Variants in BRINP3 observed in about 807,000 individuals in gnomAD.
The protein encoded by BRINP3 is BMP/retinoic acid-inducible neural-specific protein 3.
Under a neutral mutation model 71.0 loss-of-function variants are expected in BRINP3, and 19 were observed. The observed-to-expected ratio is 0.27, with a 90% confidence interval of 0.19 to 0.39. The LOEUF (loss-of-function observed/expected upper bound fraction) is 0.39, where lower values mean the gene tolerates loss of function less well. Ranked by LOEUF, BRINP3 falls within the 10% of genes least tolerant of loss-of-function variation. BRINP3 has a pLI of 1.00. For missense variants in BRINP3, 959 were observed against 940.8 expected (o/e 1.02, Z -0.25); for synonymous variants, 380 against 337.7 (o/e 1.13, Z -1.37).
At chr1:190,232,252 C>A (rs1658062646) in intron 5 of BRINP3, among the ~76,000 whole-genome samples, 1 of 151,920 alleles carries the variant, frequency 6.6e-6, no homozygotes, top group Non-Finnish European at 1.5e-5. Context: ...TTTTCAATTG[C>A]CACATACAGT....
chr1:190,272,909 G>A (rs1662232877), intron 3 of BRINP3, among the ~76,000 whole-genome samples: 1 of 151,420 alleles, frequency 6.6e-6, no homozygotes, highest in Non-Finnish European at 1.5e-5. Context: ...ACTTACAACA[G>A]AGCACATGAC....
intron 6 of BRINP3, among the ~76,000 whole-genome samples, chr1:190,196,364 G>C (rs1385612681): frequency 6.6e-6 from 1 of 152,072 alleles, no homozygotes; most frequent in Non-Finnish European, 1.5e-5. Flanking sequence ...CCAGATAATG[G>C]TTCTGCTAAT....
intron 2 of BRINP3, among the ~76,000 whole-genome samples, chr1:190,339,921 C>A (rs1667543946): frequency 6.6e-6 from 1 of 151,894 alleles, no homozygotes; most frequent in Non-Finnish European, 1.5e-5. Context: ...TGTCAAAAGG[C>A]ATATATTTTC....
At chr1:190,426,002 T>C (rs1313886286) in intron 2 of BRINP3, among the ~76,000 whole-genome samples, 1 of 151,770 alleles carries the variant, frequency 6.6e-6, no homozygotes, top group East Asian at 1.9e-4. Context: ...ATGTCAGTAT[T>C]GCAAAAAAAG....
chr1:190,354,772 T>G (rs1284893936), intron 2 of BRINP3, among the ~76,000 whole-genome samples: 5 of 132,304 alleles, frequency 3.8e-5, no homozygotes, highest in South Asian at 2.4e-4. Flanking sequence ...CTTCTAAGTG[T>G]TTTTTTTTTT....
chr1:190,214,891 C>T (rs12407537), intron 6 of BRINP3, among the ~76,000 whole-genome samples: 20,909 of 151,650 alleles, frequency 0.14, 1,881 homozygotes, highest in South Asian at 0.26. Context: ...CATTTATTGT[C>T]TAATGTAATT....
At chr1:190,274,859 T>C (rs1432814887) in intron 3 of BRINP3, among the ~76,000 whole-genome samples, 1 of 151,542 alleles carries the variant, frequency 6.6e-6, no homozygotes, top group Non-Finnish European at 1.5e-5. Context: ...CTTAGAGAAA[T>C]AGGCTTTTGC....
chr1:190,215,072 T>C (rs1351595155), intron 6 of BRINP3, among the ~76,000 whole-genome samples: 1 of 141,800 alleles, frequency 7.1e-6, no homozygotes, highest in Admixed American at 7.3e-5. Flanking sequence ...GAAAAGATAA[T>C]AGCAATCCAT....
chr1:190,219,025 C>T (rs994229741), intron 6 of BRINP3, among the ~76,000 whole-genome samples: 1 of 152,064 alleles, frequency 6.6e-6, no homozygotes, highest in Non-Finnish European at 1.5e-5. Flanking sequence ...ACTGCCAGTG[C>T]TCTCATTATT....
intron 4 of BRINP3, among the ~76,000 whole-genome samples, chr1:190,256,311 C>A (rs1221744464): frequency 6.6e-6 from 1 of 152,074 alleles, no homozygotes; most frequent in African/African-American, 2.4e-5. Context: ...AGGATTGCAA[C>A]CCCTGCTTTT....
At chr1:190,476,568 AG>A in intron 1 of BRINP3, among the ~76,000 whole-genome samples, 1 of 152,332 alleles carries the variant, frequency 6.6e-6, no homozygotes, top group South Asian at 2.1e-4. Flanking sequence ...TAAAAGCAAA[AG>A]GCACTGACCA....
rs149253416 is a variant in BRINP3, at chr1:190,178,230, T to C, written c.962-17340A>G. Among the ~76,000 whole-genome samples the C allele has an allele frequency of 5.4e-3, 826 of 152,314 alleles. 6 individuals are homozygous for C. Among genetic ancestry groups the C allele is most frequent in the African/African-American group, 0.018 (753 of 41,584 alleles). On this transcript the variant is annotated intron_variant, in intron 6 of 7. Transcript: ENST00000367462. ...CGTAGTACTATGGACCTATAATTTC[T>C]AAATCGTGTAGAAAGATAGGATATC...
At chr1:190,293,124 T>C (rs1322185086) in intron 2 of BRINP3, among the ~76,000 whole-genome samples, 1 of 152,102 alleles carries the variant, frequency 6.6e-6, no homozygotes, top group Non-Finnish European at 1.5e-5. Flanking sequence ...TCATTAAGTT[T>C]TTATGTGAAG....
At chr1:190,129,236 G>A (rs116225963) in intron 7 of BRINP3, among the ~76,000 whole-genome samples, 3 of 151,620 alleles carry the variant, frequency 2.0e-5, no homozygotes, top group Non-Finnish European at 4.4e-5. Flanking sequence ...TTTTTTAGTC[G>A]TTTTCCTCTT....
intron 2 of BRINP3, among the ~76,000 whole-genome samples, chr1:190,361,281 C>A (rs2102123341): frequency 6.6e-6 from 1 of 152,140 alleles, no homozygotes; most frequent in African/African-American, 2.4e-5. Flanking sequence ...ATAACTCTAA[C>A]ATAATTTCCG....
intron 2 of BRINP3, among the ~76,000 whole-genome samples, chr1:190,439,602 C>A (rs1674685505): frequency 6.6e-6 from 1 of 151,432 alleles, no homozygotes; most frequent in South Asian, 2.1e-4. Context: ...GTGTGGTGAT[C>A]TAATTAAGGG....
intron 5 of BRINP3, among the ~76,000 whole-genome samples, chr1:190,228,231 A>G (rs1399688418): frequency 2.0e-5 from 3 of 151,908 alleles, no homozygotes; most frequent in Non-Finnish European, 4.4e-5. Context: ...TTTTCTGAAA[A>G]CTTAAAGTGC....
intron 2 of BRINP3, among the ~76,000 whole-genome samples, chr1:190,433,051 C>T (rs901558238): frequency 6.6e-6 from 1 of 151,942 alleles, no homozygotes; most frequent in African/African-American, 2.4e-5. Context: ...TTTCATTAAC[C>T]TAGTTATCAT....
At position 190,140,651 on chromosome 1, in the gene BRINP3, A is replaced by C. The variant is rs907044982; in HGVS notation, c.1184+20017T>G. ...ATCAAACAAACTTTAATAAAATGTT[A>C]AAATTAAAGCTGTAGAATTTGTTTT... is the stretch of plus-strand genomic sequence containing the variant. On this transcript the variant is annotated intron_variant, in intron 7 of 7. Transcript: ENST00000367462. Among the ~76,000 whole-genome samples the C allele has an allele frequency of 2.0e-5, 3 of 152,340 alleles. 1 individual carries two copies. The highest frequency in any genetic ancestry group is 2.4e-5 in the African/African-American group (1 of 41,590).
Sources: allele counts gnomAD v4.1 joint callset (sites outside exome capture counted in the v4.1 genomes callset), GRCh38; gene constraint gnomAD v4.1.1; transcripts MANE v1.5; gene names NCBI Gene and HGNC (gene_info 2026-07-23, HGNC 2026-07-21).